The following CUL1 variants were observed in gnomAD, a reference collection of about 807,000 sequenced individuals.
The protein encoded by CUL1 is cullin-1.
In CUL1, 24 loss-of-function variants were observed where a neutral mutation model predicts 118.0. The observed-to-expected ratio is 0.20, with a 90% CI of 0.15 to 0.29. The LOEUF (loss-of-function observed/expected upper bound fraction) is 0.29, where lower values mean the gene tolerates loss of function less well. Among genes scored for constraint, CUL1 ranks in the 10% least tolerant of loss-of-function variants. The pLI is 1.00. For missense variants in CUL1, 361 were observed against 933.8 expected (o/e 0.39, Z 7.99); for synonymous variants, 332 against 340.4 (o/e 0.98, Z 0.27).
chr7:148,747,800 A>G (rs968648106), intron 2 of CUL1, among the ~76,000 whole-genome samples: 7 of 152,240 alleles, frequency 4.6e-5, no homozygotes, highest in Admixed American at 3.3e-4. Flanking sequence ...ATTTGACACA[A>G]CCAAAAGAGA....
At chr7:148,750,612 G>A (rs889143686) in intron 2 of CUL1, among the ~76,000 whole-genome samples, 4 of 152,026 alleles carry the variant, frequency 2.6e-5, no homozygotes, top group Non-Finnish European at 4.4e-5. Flanking sequence ...ATCCATGTCC[G>A]TGGTAAAGAA....
At chr7:148,737,806 C>T (rs966391787) in intron 2 of CUL1, among the ~76,000 whole-genome samples, 1 of 152,006 alleles carries the variant, frequency 6.6e-6, no homozygotes, top group East Asian at 1.9e-4. Flanking sequence ...TCATGTTAGC[C>T]AGGCTGGTCT....
At chr7:148,764,016 A>G (rs1007503785) in intron 7 of CUL1, among the ~76,000 whole-genome samples, 1 of 152,200 alleles carries the variant, frequency 6.6e-6, no homozygotes, top group African/African-American at 2.4e-5. Flanking sequence ...TAGTGTTTCT[A>G]AAAGATTTGA....
intron 2 of CUL1, among the ~76,000 whole-genome samples, chr7:148,751,611 G>A (rs1799495089): frequency 6.7e-6 from 1 of 149,858 alleles, no homozygotes; most frequent in Non-Finnish European, 1.5e-5. Flanking sequence ...TTGTACTCAA[G>A]GAGACCTGCT....
intron 3 of CUL1, among the ~76,000 whole-genome samples, 158 bp downstream of exon 3, chr7:148,754,308 T>C (rs1584792902): frequency 6.6e-6 from 1 of 152,242 alleles, no homozygotes; most frequent in African/African-American, 2.4e-5. Context: ...TTACCTACTG[T>C]GAATATGAAA....
chr7:148,789,218 T>C (rs1015303151), intron 14 of CUL1, among the ~76,000 whole-genome samples: 2 of 152,236 alleles, frequency 1.3e-5, no homozygotes, highest in African/African-American at 4.8e-5. Context: ...CAAATCAGAA[T>C]GACAATTCTA....
intron 1 of CUL1, among the ~76,000 whole-genome samples, chr7:148,705,573 C>T (rs535352848): frequency 4.6e-5 from 7 of 152,266 alleles, no homozygotes; most frequent in East Asian, 3.9e-4. Flanking sequence ...AAAATAGTTA[C>T]GTGTGCCTAA....
Position 148,760,360 on chromosome 7 carries a change from C to T in CUL1, c.653C>T (p.Ala218Val). ...GAATTGGGGCTGAATGAAGATGATG[C>T]ATTTGCAAAGGGCCCTACGTTAACA... Reference protein sequence around the residue: ...YVELGLNEDDAFAKGPTLTVY... With the variant: ...YVELGLNEDDVFAKGPTLTVY... Residue 218 changes from alanine to valine, a missense_variant, in exon 7 of 22, where the codon GCA becomes GTA. Coordinates refer to ENST00000325222, the MANE Select transcript of CUL1 (RefSeq NM_003592.3). 1 of 1,604,080 alleles carries T rather than the reference C, an allele frequency of 6.2e-7. No homozygotes were observed. Among genetic ancestry groups the T allele is most frequent in the Non-Finnish European group, 8.5e-7 (1 of 1,176,302 alleles).
intron 1 of CUL1, among the ~76,000 whole-genome samples, chr7:148,721,211 C>G (rs1798385609): frequency 6.6e-6 from 1 of 152,160 alleles, no homozygotes; most frequent in African/African-American, 2.4e-5. Context: ...AAGAAGCAAG[C>G]TTACTACTGC....
chr7:148,770,244 C>T (rs184115682), intron 9 of CUL1, among the ~76,000 whole-genome samples: 1 of 152,326 alleles, frequency 6.6e-6, no homozygotes, highest in Non-Finnish European at 1.5e-5. Flanking sequence ...AGAAATCAAG[C>T]TTTTAAACAA....
chr7:148,720,513 A>C (rs1798364621), intron 1 of CUL1, among the ~76,000 whole-genome samples: 1 of 152,152 alleles, frequency 6.6e-6, no homozygotes, highest in Non-Finnish European at 1.5e-5. Context: ...CCCTCAGTTG[A>C]AAGTCTTGGT....
At chr7:148,749,368 A>G (rs1188762969) in intron 2 of CUL1, among the ~76,000 whole-genome samples, 1 of 132,350 alleles carries the variant, frequency 7.6e-6, no homozygotes, top group Non-Finnish European at 1.5e-5. Flanking sequence ...GTGAGCCAAG[A>G]TTGTGCCACA....
In CUL1 at chr7:148,787,475, A is replaced by G. The variant is rs1800854910; in HGVS notation, c.1479+355A>G. ...AGACTCTGTCTCAGAAAAAAATAAAAAAGCTCTTAGTCTCTCCAGGTTATG... is the reference window on the plus strand; with the variant it reads ...AGACTCTGTCTCAGAAAAAAATAAAGAAGCTCTTAGTCTCTCCAGGTTATG... On this transcript the variant is annotated intron_variant, in intron 13 of 21. Transcript: ENST00000325222. The surrounding 1 kb of genome is among the most constrained non-coding windows in gnomAD (Gnocchi z 5.5). Among the ~76,000 whole-genome samples the G allele has an allele frequency of 6.6e-6, 1 of 152,028 alleles. No homozygotes were observed. Among genetic ancestry groups the G allele is most frequent in the Admixed American group, 6.6e-5 (1 of 15,256 alleles).
chr7:148,783,836 C>T lies in CUL1; in HGVS notation c.1137C>T (p.Ala379=), dbSNP rs2129462564. The T allele has an allele frequency of 6.2e-7, 1 of 1,614,096 alleles. No individual in the cohort carries two copies. Among genetic ancestry groups the T allele is most frequent in the African/African-American group, 1.3e-5 (1 of 74,998 alleles). The change falls in exon 10 of 22, where the codon GCC becomes GCT. Residue 379 remains alanine (A), a synonymous_variant. Coordinates refer to ENST00000325222, the MANE Select transcript of CUL1 (RefSeq NM_003592.3). ...TTGATGTTCATAAAAAATACAATGC[C>T]CTGGTAATGTCTGCATTCAACAATG... ...TVLDVHKKYN[A]LVMSAFNNDA... is the part of the protein sequence containing the mutation.
At chr7:148,796,773 G>A (rs984877557) in intron 17 of CUL1, among the ~76,000 whole-genome samples, 3 of 152,144 alleles carry the variant, frequency 2.0e-5, no homozygotes, top group Non-Finnish European at 4.4e-5. Flanking sequence ...TCTGCCCACA[G>A]TAGATGCTGT....
At chr7:148,778,103 A>AAAAAAAG (rs1563166664) in intron 9 of CUL1, among the ~76,000 whole-genome samples, 9 of 147,604 alleles carry the variant, frequency 6.1e-5, no homozygotes, top group Non-Finnish European at 1.0e-4. Flanking sequence ...AAAAAGAAGA[A>AAAAAAAG]GAAGAAGAAT....
chr7:148,700,388 G>T (rs1797686281), intron 1 of CUL1, among the ~76,000 whole-genome samples: 1 of 152,104 alleles, frequency 6.6e-6, no homozygotes, highest in African/African-American at 2.4e-5. Context: ...TTCATTTCAT[G>T]GTGCACCCGA....
intron 1 of CUL1, among the ~76,000 whole-genome samples, chr7:148,724,751 T>G (rs928952492): frequency 1.3e-5 from 2 of 152,220 alleles, no homozygotes; most frequent in African/African-American, 4.8e-5. Context: ...GCGTGGACAT[T>G]CATAACCACA....
At chr7:148,742,749 G>A (rs1799186951) in intron 2 of CUL1, among the ~76,000 whole-genome samples, 2 of 151,688 alleles carry the variant, frequency 1.3e-5, no homozygotes, top group Admixed American at 1.3e-4. Flanking sequence ...TTACAGACAT[G>A]CACCACCACG....
Sources: gnomAD v4.1 joint callset for allele counts (sites outside exome capture counted in the v4.1 genomes callset) on GRCh38, gnomAD v4.1.1 for gene constraint, Gnocchi (gnomAD v3.1) non-coding constraint, MANE v1.5 for transcripts, NCBI Gene and HGNC (gene_info 2026-07-23, HGNC 2026-07-21) for gene names.